Variants in RABGAP1L observed in about 807,000 individuals in gnomAD.
RABGAP1L encodes the protein RAB GTPase activating protein 1 like.
Under a neutral mutation model 137.7 loss-of-function variants are expected in RABGAP1L, and 63 were observed. The observed-to-expected ratio is 0.46, with a 90% CI of 0.37 to 0.56. The LOEUF (loss-of-function observed/expected upper bound fraction) is 0.56, where lower values mean the gene tolerates loss of function less well. Ranked by LOEUF, RABGAP1L falls within the 20% of genes least tolerant of loss-of-function variation. RABGAP1L has a pLI of 0.00. For synonymous variants in RABGAP1L, 431 were observed against 433.7 expected (o/e 0.99, Z 0.08); for missense variants, 1,095 against 1,244.0 (o/e 0.88, Z 1.80).
At chr1:174,273,734 T>G (rs1299350137) in intron 8 of RABGAP1L, among the ~76,000 whole-genome samples, 1 of 152,088 alleles carries the variant, frequency 6.6e-6, no homozygotes, top group Non-Finnish European at 1.5e-5. Flanking sequence ...TAAGATGAAT[T>G]ACTGCAGAGA....
At chr1:174,468,431 G>T (rs973984185) in intron 13 of RABGAP1L, among the ~76,000 whole-genome samples, 1 of 152,066 alleles carries the variant, frequency 6.6e-6, no homozygotes, top group Non-Finnish European at 1.5e-5. Context: ...AATTCATCCT[G>T]ATCATTGTTC....
At chr1:174,188,746 C>A (rs1666992535) in intron 1 of RABGAP1L, among the ~76,000 whole-genome samples, 1 of 152,148 alleles carries the variant, frequency 6.6e-6, no homozygotes, top group Admixed American at 6.5e-5. Flanking sequence ...TGGGTCTCAA[C>A]AATGGTTTTA....
At chr1:174,163,936 G>T (rs1664710161) in intron 1 of RABGAP1L, among the ~76,000 whole-genome samples, 1 of 152,160 alleles carries the variant, frequency 6.6e-6, no homozygotes. Flanking sequence ...AAGTCTCATT[G>T]AGGGATGCAA....
intron 17 of RABGAP1L, among the ~76,000 whole-genome samples, chr1:174,710,429 A>C (rs932970428): frequency 3.9e-5 from 6 of 152,226 alleles, no homozygotes; most frequent in African/African-American, 1.4e-4. Flanking sequence ...GCCAGAGAGA[A>C]AGGTCGGGTT....
intron 13 of RABGAP1L, among the ~76,000 whole-genome samples, chr1:174,397,957 G>T (rs1648079285): frequency 6.6e-6 from 1 of 152,158 alleles, no homozygotes; most frequent in Non-Finnish European, 1.5e-5. Flanking sequence ...GTAGTTTAGT[G>T]TTTTTGTTTG....
intron 14 of RABGAP1L, among the ~76,000 whole-genome samples, chr1:174,664,565 G>C (rs1255171208): frequency 6.6e-6 from 1 of 151,894 alleles, no homozygotes; most frequent in Non-Finnish European, 1.5e-5. Context: ...AAAAGTAACA[G>C]AAGTAACATC....
At chr1:174,380,554 A>T (rs952239971) in intron 12 of RABGAP1L, among the ~76,000 whole-genome samples, 1 of 152,066 alleles carries the variant, frequency 6.6e-6, no homozygotes, top group Non-Finnish European at 1.5e-5. Flanking sequence ...CATTTCTTCT[A>T]GATTTTCTAG....
At chr1:174,850,110 C>G in intron 19 of RABGAP1L, 2 of 497,782 alleles carry the variant, frequency 4.0e-6, no homozygotes, top group Non-Finnish European at 8.1e-6. Flanking sequence ...GTTGATTTCC[C>G]ATTCCTCTCA....
chr1:174,209,697 A>T (rs184795984), intron 1 of RABGAP1L, among the ~76,000 whole-genome samples: 3 of 152,262 alleles, frequency 2.0e-5, no homozygotes, highest in East Asian at 3.9e-4. Flanking sequence ...AAGGACACAA[A>T]CCTGGCTGGC....
chr1:174,447,015 T>TA (rs2149246663), intron 13 of RABGAP1L, among the ~76,000 whole-genome samples: 1 of 152,270 alleles, frequency 6.6e-6, no homozygotes, highest in South Asian at 2.1e-4. Context: ...GTTGCAAAGG[T>TA]GAGAAATAAC....
intron 10 of RABGAP1L, among the ~76,000 whole-genome samples, chr1:174,285,492 C>G (rs1675977537): frequency 1.3e-5 from 2 of 148,608 alleles, no homozygotes; most frequent in African/African-American, 4.9e-5. Flanking sequence ...AGTTTGTACC[C>G]TGTAACTTTA....
At chr1:174,413,198 A>C (rs1283954609) in intron 13 of RABGAP1L, among the ~76,000 whole-genome samples, 1 of 152,168 alleles carries the variant, frequency 6.6e-6, no homozygotes, top group Admixed American at 6.6e-5. Context: ...GTATTAGTTC[A>C]AAACACTGGT....
chr1:174,692,449 C>T (rs1278035409), intron 15 of RABGAP1L, among the ~76,000 whole-genome samples: 1 of 152,090 alleles, frequency 6.6e-6, no homozygotes, highest in Non-Finnish European at 1.5e-5. Flanking sequence ...TATCCCAACC[C>T]AGTTATTCCC....
At chr1:174,298,472 G>A (rs985605965) in intron 10 of RABGAP1L, among the ~76,000 whole-genome samples, 14 of 152,194 alleles carry the variant, frequency 9.2e-5, no homozygotes, top group African/African-American at 2.9e-4. Context: ...GAAGGAATCA[G>A]CCACACTCAC....
At chr1:174,832,951 A>T (rs1400259414) in intron 19 of RABGAP1L, among the ~76,000 whole-genome samples, 1 of 152,162 alleles carries the variant, frequency 6.6e-6, no homozygotes, top group Non-Finnish European at 1.5e-5. Flanking sequence ...TGAAGTAAAT[A>T]CTCTTATTGA....
At position 174,448,501 on chromosome 1, in the gene RABGAP1L, A is replaced by T. The variant is rs1016306663; in HGVS notation, c.1710+54356A>T. The T allele has an allele frequency of 1.2e-6, 2 of 1,613,696 alleles. No homozygotes were observed. The highest frequency in any genetic ancestry group is 3.3e-5 in the Admixed American group (2 of 60,018). ...CAGTTCTAAAAAGTGTTTCTATGGC[A>T]TGTCTTGCTTGCATCAGTGTGGATC... On this transcript the variant is annotated intron_variant, in intron 13 of 25. Transcript: ENST00000681986. The surrounding 1 kb of genome is among the most constrained non-coding windows in gnomAD (Gnocchi z 4.2).
At chr1:174,875,653 A>G in intron 19 of RABGAP1L, 1 of 985,446 alleles carries the variant, frequency 1.0e-6, no homozygotes, top group Middle Eastern at 5.2e-4. Context: ...GTGCTGGTGA[A>G]TGCATGAAGA....
intron 19 of RABGAP1L, among the ~76,000 whole-genome samples, chr1:174,925,859 G>GTTTTTTTTTGTTTTTTTT (rs1662703046): frequency 1.2e-4 from 15 of 128,874 alleles, no homozygotes; most frequent in Middle Eastern, 4.1e-3. Context: ...TTTGTTGTTG[G>GTTTTTTTTTGTTTTTTTT]TTTTTTTTTT....
At chr1:174,490,748 T>C (rs2149352348) in intron 13 of RABGAP1L, among the ~76,000 whole-genome samples, 1 of 152,234 alleles carries the variant, frequency 6.6e-6, no homozygotes, top group South Asian at 2.1e-4. Context: ...ATCTACCTGA[T>C]GTTCCATTGT....
Sources: allele counts gnomAD v4.1 joint callset (sites outside exome capture counted in the v4.1 genomes callset), GRCh38; gene constraint gnomAD v4.1.1; non-coding constraint Gnocchi (gnomAD v3.1); transcripts MANE v1.5; gene names NCBI Gene and HGNC (gene_info 2026-07-23, HGNC 2026-07-21).